TMIGD3: variants seen among roughly 807,000 people sequenced by gnomAD.
TMIGD3 encodes the protein AD026 protein (AD026).
TMIGD3 carries 21 observed loss-of-function variants against 28.1 expected under a neutral mutation model. The ratio of observed to expected loss-of-function variants is 0.75; its 90% CI spans 0.53 to 1.08. The LOEUF (loss-of-function observed/expected upper bound fraction) is 1.08, where lower values mean the gene tolerates loss of function less well. Among genes scored for constraint, TMIGD3 ranks in the 50% least tolerant of loss-of-function variants. The pLI, the probability that TMIGD3 is intolerant of heterozygous loss-of-function variation, is 0.00. For missense variants in TMIGD3, 416 were observed against 435.6 expected, an observed-to-expected ratio of 0.96 and a Z score of 0.40; for synonymous variants, 151 against 162.1, an observed-to-expected ratio of 0.93 and a Z score of 0.52.
intron 1 of TMIGD3, among the ~76,000 whole-genome samples, chr1:111,532,935 T>A (rs1656503601): frequency 6.6e-6 from 1 of 152,206 alleles, no homozygotes; most frequent in Admixed American, 6.5e-5. Flanking sequence ...GTCCCACTAG[T>A]GTGGTTGCGG....
At chr1:111,560,443 A>G (rs983925241) in intron 1 of TMIGD3, among the ~76,000 whole-genome samples, 1 of 125,568 alleles carries the variant, frequency 8.0e-6, no homozygotes, top group Non-Finnish European at 1.6e-5. Flanking sequence ...AACAGATTGA[A>G]AGAAGCCCTT....
chr1:111,563,260 A>C (rs899363680), intron 1 of TMIGD3, among the ~76,000 whole-genome samples: 7 of 152,026 alleles, frequency 4.6e-5, no homozygotes, highest in African/African-American at 1.7e-4. Flanking sequence ...AGGGCAAAAC[A>C]GTGAGATCCT....
At chr1:111,487,161 G>A (rs749082890) in intron 3 of TMIGD3, among the ~76,000 whole-genome samples, 23 of 152,186 alleles carry the variant, frequency 1.5e-4, no homozygotes, top group African/African-American at 5.3e-4. Flanking sequence ...CTGATAAGAC[G>A]TGGGAGAGGT....
intron 1 of TMIGD3, among the ~76,000 whole-genome samples, chr1:111,524,767 A>ATG (rs1352635983): frequency 1.3e-5 from 2 of 151,970 alleles, no homozygotes; most frequent in African/African-American, 2.4e-5. Flanking sequence ...TTACAGGTGC[A>ATG]TGCCACCATA....
chr1:111,529,989 G>C lies in TMIGD3; in HGVS notation c.107+33857C>G, dbSNP rs1395457895. Among the ~76,000 whole-genome samples, 6 of 104,030 alleles carry C rather than the reference G, an allele frequency of 5.8e-5. 1 individual carries two copies. Among genetic ancestry groups the C allele is most frequent in the Admixed American group, 4.8e-4 (6 of 12,400 alleles). 68.2% of individuals were successfully genotyped at this position (104,030 alleles called of 152,430 possible). On this transcript the variant is annotated intron_variant, in intron 1 of 5. Transcript: ENST00000369717. ...CACCTCCCGGATGGGGCGGCTGGCC[G>C]GGCGGGGCGCTGACCCCCCCACCTC... is the stretch of plus-strand genomic sequence containing the variant.
intron 1 of TMIGD3, among the ~76,000 whole-genome samples, chr1:111,544,133 T>C (rs1367621685): frequency 6.6e-6 from 1 of 152,178 alleles, no homozygotes; most frequent in Non-Finnish European, 1.5e-5. Flanking sequence ...AACTAACTTA[T>C]CTCTGTTAAT....
rs1368430019 is a variant in TMIGD3, at chr1:111,503,119, T to C, written c.236A>G (p.His79Arg). 10 of 1,613,966 alleles carry C rather than the reference T, an allele frequency of 6.2e-6. No homozygotes were observed. Among genetic ancestry groups the C allele is most frequent in the East Asian group, 2.2e-5 (1 of 44,878 alleles). ...AIVVSLGITIHFYSCLFMTCL... is the reference protein window; with the variant it reads ...AIVVSLGITIRFYSCLFMTCL... Reference sequence around the variant, plus strand: ...AGTCATAAAAAGGCAGCTGTAGAAGTGGATTGTGATGCCCAGGCTGACAAC... The same window carrying C: ...AGTCATAAAAAGGCAGCTGTAGAAGCGGATTGTGATGCCCAGGCTGACAAC... Residue 79 changes from histidine to arginine, a missense_variant, in exon 1 of 6, where the codon CAC becomes CGC. Transcript: ENST00000369716.
chr1:111,486,048 T>G (rs1389517644), intron 4 of TMIGD3, among the ~76,000 whole-genome samples: 1 of 152,134 alleles, frequency 6.6e-6, no homozygotes, highest in African/African-American at 2.4e-5. Flanking sequence ...GCTGGGCCAA[T>G]GAACCCCTTC....
At chr1:111,527,006 CTTT>C (rs71580580) in intron 1 of TMIGD3, among the ~76,000 whole-genome samples, 1 of 87,730 alleles carries the variant, frequency 1.1e-5, no homozygotes, top group Non-Finnish European at 2.0e-5. Context: ...TCCTCAATGT[CTTT>C]TTTTTTTTTT....
upstream of TMIGD3, chr1:111,504,814 C>T (rs1655421909): frequency 2.1e-6 from 2 of 974,428 alleles, no homozygotes. Context: ...TGATTCCACT[C>T]CCGACCCCCA....
intron 1 of TMIGD3, among the ~76,000 whole-genome samples, chr1:111,516,797 C>T (rs1655882015): frequency 6.6e-6 from 1 of 152,176 alleles, no homozygotes; most frequent in Non-Finnish European, 1.5e-5. Context: ...GTGAAGGGGG[C>T]CCTCAGGAAA....
At chr1:111,505,744 T>A (rs948287350), upstream of TMIGD3, among the ~76,000 whole-genome samples, 2 of 152,126 alleles carry the variant, frequency 1.3e-5, no homozygotes, top group African/African-American at 4.8e-5. Context: ...TGCTGCAGCC[T>A]CCTACTCGGT....
At chr1:111,499,576 G>A in intron 1 of TMIGD3, 4 of 1,026,594 alleles carry the variant, frequency 3.9e-6, no homozygotes, top group African/African-American at 1.7e-5. Context: ...ACAATGGTAT[G>A]GAAATGAGTC....
At chr1:111,514,371 C>T (rs6689290) in intron 1 of TMIGD3, among the ~76,000 whole-genome samples, 37,976 of 151,838 alleles carry the variant, frequency 0.25, 5,761 homozygotes, top group Non-Finnish European at 0.34. Flanking sequence ...ATAGCAAGAC[C>T]CTGTCTCTAC....
intron 1 of TMIGD3, among the ~76,000 whole-genome samples, chr1:111,529,755 C>T (rs1193629874): frequency 6.6e-6 from 1 of 151,628 alleles, no homozygotes; most frequent in East Asian, 1.9e-4. Context: ...TGAAAAGTCT[C>T]CCATGTCTAC....
At chr1:111,547,813 T>G (rs1417786089) in intron 1 of TMIGD3, among the ~76,000 whole-genome samples, 1 of 152,208 alleles carries the variant, frequency 6.6e-6, no homozygotes, top group Non-Finnish European at 1.5e-5. Flanking sequence ...GGAGAAAGAC[T>G]CTCTGGTGAA....
chr1:111,548,300 C>T (rs1042680627), intron 1 of TMIGD3, among the ~76,000 whole-genome samples: 34 of 152,220 alleles, frequency 2.2e-4, no homozygotes, highest in African/African-American at 7.5e-4. Flanking sequence ...GGATTACAAG[C>T]GTGAGCCACT....
chr1:111,554,694 A>G (rs1657408217), intron 1 of TMIGD3, among the ~76,000 whole-genome samples: 1 of 152,266 alleles, frequency 6.6e-6, no homozygotes, highest in African/African-American at 2.4e-5. Flanking sequence ...TTCTCTTGAG[A>G]ATTTGTAACC....
chr1:111,544,562 T>C lies in TMIGD3; in HGVS notation c.107+19284A>G, dbSNP rs185100142. Among the ~76,000 whole-genome samples, 11 of 152,340 alleles carry C rather than the reference T, an allele frequency of 7.2e-5. No individual in the cohort carries two copies. In the East Asian group the frequency reaches 2.1e-3, roughly 29 times the overall value. The stretch of plus-strand genomic sequence containing the variant: ...TATATCAGTCATTTTTGTAGTTGAA[T>C]AACGTTCCATTATATACCACATTTT... On this transcript the variant is annotated intron_variant, in intron 1 of 5. Transcript: ENST00000369717.
Sources: gnomAD v4.1 joint callset for allele counts (sites outside exome capture counted in the v4.1 genomes callset) on GRCh38, gnomAD v4.1.1 for gene constraint, MANE v1.5 for transcripts, NCBI Gene and HGNC (gene_info 2026-07-23, HGNC 2026-07-21) for gene names.